The following MYO1B variants were observed in gnomAD, a reference collection of about 807,000 sequenced individuals.
The protein encoded by MYO1B is myosin IB, also known as unconventional myosin-Ib.
A neutral mutation model predicts 159.7 loss-of-function variants in MYO1B; 72 were observed. The ratio of observed to expected loss-of-function variants is 0.45; its 90% CI spans 0.37 to 0.55. The LOEUF (loss-of-function observed/expected upper bound fraction) is 0.55, where lower values mean the gene tolerates loss of function less well. Ranked by LOEUF, MYO1B falls within the 20% of genes least tolerant of loss-of-function variation. MYO1B has a pLI of 0.00. For missense variants in MYO1B, 1,062 were observed against 1,364.8 expected (o/e 0.78, Z 3.50); for synonymous variants, 468 against 473.8 (o/e 0.99, Z 0.16).
At chr2:191,250,229 A>G (rs1686029397) in intron 1 of MYO1B, among the ~76,000 whole-genome samples, 1 of 152,250 alleles carries the variant, frequency 6.6e-6, no homozygotes, top group South Asian at 2.1e-4. Flanking sequence ...ACAAAAGCTG[A>G]GAACAAACAG....
chr2:191,421,195 G>A (rs866988641), intron 30 of MYO1B, among the ~76,000 whole-genome samples: 3 of 151,434 alleles, frequency 2.0e-5, no homozygotes, highest in Admixed American at 6.6e-5. Flanking sequence ...TCAGTTCCCC[G>A]AGTAGCTGAG....
At position 191,331,571 on chromosome 2, in the gene MYO1B, T is replaced by G. The variant is rs543194511; in HGVS notation, c.346+1542T>G. ...ATCTTTCTAGGGCTAAAAATCCCTT[T>G]TCTTCAAATTTTCTCATTTTATACA... On this transcript the variant is annotated intron_variant, in intron 4 of 30. Transcript: ENST00000392318. Among the ~76,000 whole-genome samples the G allele has an allele frequency of 4.6e-5, 7 of 152,370 alleles. No individual in the cohort carries two copies. In the East Asian group the frequency reaches 1.3e-3, roughly 29 times the overall value.
At chr2:191,352,819 G>C (rs1242375540) in intron 7 of MYO1B, among the ~76,000 whole-genome samples, 1 of 152,210 alleles carries the variant, frequency 6.6e-6, no homozygotes, top group East Asian at 1.9e-4. Context: ...GCAGAAGGGA[G>C]TTTAAAGCAA....
intron 8 of MYO1B, among the ~76,000 whole-genome samples, chr2:191,361,649 A>G (rs887628394): frequency 1.3e-5 from 2 of 151,620 alleles, no homozygotes; most frequent in African/African-American, 2.4e-5. Flanking sequence ...GTATCTACAT[A>G]TATTAGCAAA....
chr2:191,366,859 A>G (rs6741861), intron 11 of MYO1B, among the ~76,000 whole-genome samples: 24,154 of 150,894 alleles, frequency 0.16, 5,119 homozygotes, highest in African/African-American at 0.49. Flanking sequence ...CCGCACCCCC[A>G]TCAGAACCTG....
Position 191,313,840 on chromosome 2 carries a change from G to T in MYO1B, c.252-16095G>T, listed in dbSNP as rs558744380. On this transcript the variant is annotated intron_variant, in intron 3 of 30. Transcript: ENST00000392318. ...GGCCCACATGGCTTTTAAGATTGCT[G>T]TGGAAGGTGAAGAGAGAGCATGATA... Among the ~76,000 whole-genome samples, 360 of 152,320 alleles carry T rather than the reference G, an allele frequency of 2.4e-3. 3 individuals carry two copies. The highest frequency in any genetic ancestry group is 3.6e-3 in the Non-Finnish European group (247 of 68,026).
At chr2:191,283,611 C>G (rs1052669728) in intron 2 of MYO1B, among the ~76,000 whole-genome samples, 1 of 152,174 alleles carries the variant, frequency 6.6e-6, no homozygotes, top group Non-Finnish European at 1.5e-5. Context: ...AAATTATCTT[C>G]ATTTTACATA....
At chr2:191,381,124 CAG>C (rs1695017228) in intron 13 of MYO1B, 7 of 346,466 alleles carry the variant, frequency 2.0e-5, no homozygotes, top group South Asian at 1.8e-4. Flanking sequence ...AACTTGGTGA[CAG>C]AGATTGTGGA....
chr2:191,353,631 G>T (rs1170887986), intron 7 of MYO1B, among the ~76,000 whole-genome samples: 1 of 152,120 alleles, frequency 6.6e-6, no homozygotes, highest in African/African-American at 2.4e-5. Flanking sequence ...GGGCATACCC[G>T]TGAGCCTACT....
chr2:191,390,565 C>T (rs942389669), intron 18 of MYO1B, 73 bp downstream of exon 18: 3 of 1,458,390 alleles, frequency 2.1e-6, no homozygotes, highest in Non-Finnish European at 2.8e-6. Context: ...TTTTCACATG[C>T]TGTTAGATAA....
chr2:191,275,458 TC>T (rs907323761), intron 1 of MYO1B, among the ~76,000 whole-genome samples: 59 of 152,278 alleles, frequency 3.9e-4, no homozygotes, highest in Admixed American at 3.3e-4. Context: ...ATAATGAATT[TC>T]TTAATTACTA....
intron 1 of MYO1B, chr2:191,247,965 G>C: frequency 2.0e-6 from 2 of 985,446 alleles, no homozygotes; most frequent in Non-Finnish European, 2.4e-6. Context: ...GTTATGCAAA[G>C]CAAGGAGGAA....
intron 11 of MYO1B, among the ~76,000 whole-genome samples, chr2:191,364,665 C>T (rs1693886043): frequency 6.6e-6 from 1 of 152,190 alleles, no homozygotes; most frequent in African/African-American, 2.4e-5. Flanking sequence ...TTCAAAGGGT[C>T]ACTCTGGCTG....
intron 11 of MYO1B, among the ~76,000 whole-genome samples, chr2:191,364,553 A>G (rs1195895133): frequency 2.0e-5 from 3 of 152,258 alleles, no homozygotes; most frequent in Admixed American, 1.3e-4. Flanking sequence ...GAGCAACAGT[A>G]GAGCAGAGTA....
At chr2:191,315,681 A>T (rs1453213250) in intron 3 of MYO1B, among the ~76,000 whole-genome samples, 7 of 152,234 alleles carry the variant, frequency 4.6e-5, no homozygotes, top group Admixed American at 4.6e-4. Context: ...TGTGAGACTG[A>T]CTATGTGAAG....
At chr2:191,364,777 C>T (rs1159750191) in intron 11 of MYO1B, among the ~76,000 whole-genome samples, 7 of 150,616 alleles carry the variant, frequency 4.6e-5, no homozygotes, top group Admixed American at 1.3e-4. Context: ...ACCAGGTAGT[C>T]GCAGTGGAGT....
At chr2:191,366,951 G>T (rs759823971) in intron 11 of MYO1B, among the ~76,000 whole-genome samples, 1 of 151,798 alleles carries the variant, frequency 6.6e-6, no homozygotes, top group Non-Finnish European at 1.5e-5. Context: ...TAAGCTCCTG[G>T]AGGGCAGGCC....
intron 30 of MYO1B, among the ~76,000 whole-genome samples, chr2:191,421,032 C>T (rs1039013093): frequency 2.6e-5 from 4 of 151,806 alleles, no homozygotes; most frequent in Admixed American, 2.6e-4. Flanking sequence ...GTAGCAAATC[C>T]TCAATATATC....
At chr2:191,351,025 A>G (rs1301574024) in intron 7 of MYO1B, among the ~76,000 whole-genome samples, 3 of 152,068 alleles carry the variant, frequency 2.0e-5, no homozygotes, top group Admixed American at 2.0e-4. Context: ...AAAATGTAAG[A>G]TGATGACTCA....
Sources: allele counts gnomAD v4.1 joint callset (sites outside exome capture counted in the v4.1 genomes callset), GRCh38; gene constraint gnomAD v4.1.1; transcripts MANE v1.5; gene names NCBI Gene and HGNC (gene_info 2026-07-23, HGNC 2026-07-21).